IGLL5: variants seen among roughly 807,000 people sequenced by gnomAD.
IGLL5 encodes the protein immunoglobulin lambda like polypeptide 5, also known as immunoglobulin lambda-like polypeptide 5.
Under a neutral mutation model 20.9 loss-of-function variants are expected in IGLL5, and 30 were observed. That is an observed-to-expected ratio of 1.44 (90% CI 1.07 to 1.95). IGLL5 has a LOEUF of 1.95. IGLL5 is among the 30% of genes most tolerant of loss of function. The pLI, the probability that IGLL5 is intolerant of heterozygous loss-of-function variation, is 0.00. For missense variants in IGLL5, 475 were observed against 270.7 expected, an observed-to-expected ratio of 1.75 and a Z score of -5.30; for synonymous variants, 203 against 117.3, an observed-to-expected ratio of 1.73 and a Z score of -4.72.
At chr22:22,889,370 A>T (rs567390947) in intron 1 of IGLL5, among the ~76,000 whole-genome samples, 1 of 151,228 alleles carries the variant, frequency 6.6e-6, no homozygotes, top group East Asian at 2.0e-4. Flanking sequence ...CCATTTTAGC[A>T]ACAGGCGGCG....
At chr22:22,890,017 T>C (rs979570268) in intron 1 of IGLL5, among the ~76,000 whole-genome samples, 5 of 151,096 alleles carry the variant, frequency 3.3e-5, no homozygotes, top group Non-Finnish European at 7.4e-5. Context: ...CTTTATAATT[T>C]TCTGGTTTTG....
At chr22:22,893,136 G>C (rs1333831710) in intron 1 of IGLL5, among the ~76,000 whole-genome samples, 2 of 151,158 alleles carry the variant, frequency 1.3e-5, no homozygotes, top group Non-Finnish European at 2.9e-5. Context: ...TGCATGGATG[G>C]ACGGATGGAT....
chr22:22,889,617 T>A (rs183441015), intron 1 of IGLL5, among the ~76,000 whole-genome samples: 1 of 151,372 alleles, frequency 6.6e-6, no homozygotes, highest in African/African-American at 2.4e-5. Context: ...TGAAACAGTC[T>A]TGATCTGTTG....
At chr22:22,888,398 T>G (rs534280163) in intron 1 of IGLL5, 139 bp downstream of exon 1, 11 of 668,974 alleles carry the variant, frequency 1.6e-5, no homozygotes, top group Admixed American at 5.9e-5. Flanking sequence ...GCTTTAGTAA[T>G]GGGTTGATAT....
intron 1 of IGLL5, among the ~76,000 whole-genome samples, chr22:22,891,886 G>C (rs1298141804): frequency 6.6e-6 from 1 of 151,064 alleles, no homozygotes. Flanking sequence ...AATTCCAGCA[G>C]TTCTTCAGCT....
chr22:22,894,686 G>T (rs1434936282), intron 2 of IGLL5, among the ~76,000 whole-genome samples: 1 of 151,446 alleles, frequency 6.6e-6, no homozygotes, highest in East Asian at 2.0e-4. Context: ...GGGCCTGGGG[G>T]CTGCTGAGTC....
At chr22:22,890,862 AT>A in intron 1 of IGLL5, among the ~76,000 whole-genome samples, 1 of 151,110 alleles carries the variant, frequency 6.6e-6, no homozygotes, top group East Asian at 2.0e-4. Flanking sequence ...TACTGGTGAA[AT>A]TATTTTTTAT....
intron 1 of IGLL5, among the ~76,000 whole-genome samples, chr22:22,890,776 T>C (rs2067819359): frequency 1.3e-5 from 2 of 151,130 alleles, no homozygotes; most frequent in South Asian, 2.1e-4. Flanking sequence ...TAATGCAAAA[T>C]TGTTGATCTT....
intron 1 of IGLL5, among the ~76,000 whole-genome samples, chr22:22,888,746 C>T (rs533191915): frequency 7.9e-5 from 12 of 151,310 alleles, no homozygotes; most frequent in Middle Eastern, 3.7e-3. Context: ...CACCAACTTG[C>T]ACATAAATGC....
Position 22,888,399 on chromosome 22 carries a change from G to A in IGLL5, c.206+140G>A, listed in dbSNP as rs1174775067. On this transcript the variant is annotated intron_variant, in intron 1 of 2. Transcript: ENST00000526893. ...CTGGGCTGACACTGGCTTTAGTAAT[G>A]GGTTGATATTTTGTCCATCACAGAT... The A allele has an allele frequency of 1.0e-5, 7 of 668,372 alleles. No homozygotes were observed. In the East Asian group the frequency reaches 1.4e-4, roughly 13 times the overall value. 41.4% of individuals were successfully genotyped at this position (668,372 alleles called of 1,614,324 possible).
rs371694135 is a variant in IGLL5 at position 22,895,602 on chromosome 22, G to C, written c.553G>C (p.Glu185Gln). 3 of 1,613,280 alleles carry C rather than the reference G, an allele frequency of 1.9e-6. No homozygotes were observed. Among genetic ancestry groups the C allele is most frequent in the South Asian group, 2.2e-5 (2 of 91,030 alleles). The change falls in exon 3 of 3, where the codon GAG becomes CAG. Residue 185 changes from glutamate to glutamine, a missense_variant. Physicochemically the swap from Glu to Gln is conservative, Grantham distance 29. Coordinates refer to ENST00000526893, the MANE Select transcript of IGLL5 (RefSeq NM_001178126.2). ...CAGCAGCTACCTGAGCCTGACGCCC[G>C]AGCAGTGGAAGTCCCACAGAAGCTA... Reference protein sequence around the residue: ...AASSYLSLTPEQWKSHRSYSC... With the variant: ...AASSYLSLTPQQWKSHRSYSC...
intron 2 of IGLL5, among the ~76,000 whole-genome samples, chr22:22,894,177 GGCT>G: frequency 6.6e-6 from 1 of 151,544 alleles, no homozygotes; most frequent in Non-Finnish European, 1.5e-5. Flanking sequence ...CAAGGACAGA[GGCT>G]GCTGGGGTGG....
In IGLL5 at chr22:22,895,602, G is replaced by A. The variant is rs371694135; in HGVS notation, c.553G>A (p.Glu185Lys). Residue 185 changes from glutamate to lysine, a missense_variant, in exon 3 of 3, where the codon GAG (glutamate) becomes AAG (lysine). By Grantham distance (56) the Glu-to-Lys change is moderately conservative (BLOSUM62 1). Transcript: ENST00000526893. ...AASSYLSLTP[E>K]QWKSHRSYSC... is the part of the protein sequence containing the mutation. Reference sequence around the variant, plus strand: ...CAGCAGCTACCTGAGCCTGACGCCCGAGCAGTGGAAGTCCCACAGAAGCTA... The same window carrying A: ...CAGCAGCTACCTGAGCCTGACGCCCAAGCAGTGGAAGTCCCACAGAAGCTA... The A allele has an allele frequency of 2.4e-5, 38 of 1,613,280 alleles. No individual in the cohort carries two copies. The East Asian group carries it at 4.7e-4, about 20-fold the overall frequency.
rs2067922045 is a variant in IGLL5, at chr22:22,893,743, T to C, written c.250T>C (p.Trp84Arg). 3.1e-6 allele frequency: 5 copies of C among 1,607,870 alleles called. No homozygotes were observed. The highest frequency in any genetic ancestry group is 4.2e-6 in the Non-Finnish European group (5 of 1,177,352). ...PSPQRADPRC[W>R]PRGFWSEPQS... The stretch of plus-strand genomic sequence containing the variant: ...CCCCCAGAGAGCAGACCCCAGGTGC[T>C]GGCCCCGGGGGTTTTGGTCTGAGCC... Residue 84 changes from tryptophan to arginine, a missense_variant, in exon 2 of 3, where the codon TGG becomes CGG. By Grantham distance (101) the Trp-to-Arg change is moderately radical. Coordinates refer to ENST00000526893, the MANE Select transcript of IGLL5 (RefSeq NM_001178126.2).
At chr22:22,891,590 C>A (rs1469662936) in intron 1 of IGLL5, among the ~76,000 whole-genome samples, 1 of 151,164 alleles carries the variant, frequency 6.6e-6, no homozygotes, top group African/African-American at 2.4e-5. Context: ...GTGGTAATAT[C>A]ACAGAATATG....
In IGLL5 at chr22:22,888,335, C is replaced by G. The variant is rs141469467; in HGVS notation, c.206+76C>G. ...GAAAGGGTGACCAAGGGGAGACAAG[C>G]CAGAGGAGTGAGGAGGAAGGTTAAC... On this transcript the variant is annotated intron_variant, in intron 1 of 2. Transcript: ENST00000526893. 53 of 1,387,642 alleles carry G rather than the reference C, an allele frequency of 3.8e-5. 1 individual carries two copies. The highest frequency in any genetic ancestry group is 2.6e-4 in the Middle Eastern group (1 of 3,912). 86.0% of individuals were successfully genotyped at this position (1,387,642 alleles called of 1,614,324 possible).
intron 1 of IGLL5, 37 bp from the exon 2 acceptor site, chr22:22,893,663 C>T: frequency 7.2e-7 from 1 of 1,384,806 alleles, no homozygotes; most frequent in Non-Finnish European, 1.0e-6. Flanking sequence ...GGTCCCAGCC[C>T]CGCCCACTGC....
rs752597240 is a variant in IGLL5 at position 22,888,759 on chromosome 22, A to C, written c.206+500A>C. ...TTCACCAACTTGCACATAAATGCTT[A>C]CTGGGGCCAGGCTCAAGGACACAGG... On this transcript the variant is annotated intron_variant, in intron 1 of 2. Transcript: ENST00000526893. 9.3e-5 allele frequency among the ~76,000 whole-genome samples: 14 copies of C among 151,252 alleles called. 1 individual carries two copies. In the East Asian group the frequency reaches 1.2e-3, roughly 13 times the overall value.
chr22:22,894,275 A>T (rs1601625231), intron 2 of IGLL5, among the ~76,000 whole-genome samples: 3 of 151,066 alleles, frequency 2.0e-5, no homozygotes, highest in East Asian at 2.0e-4. Context: ...ATGCCAATCC[A>T]GCCTGGGAGG....
Sources: allele counts gnomAD v4.1 joint callset (sites outside exome capture counted in the v4.1 genomes callset), GRCh38; gene constraint gnomAD v4.1.1; transcripts MANE v1.5; gene names NCBI Gene and HGNC (gene_info 2026-07-23, HGNC 2026-07-21).